Variants in ROBO2 observed in about 807,000 individuals in gnomAD.
ROBO2 encodes roundabout guidance receptor 2.
In ROBO2, 53 loss-of-function variants were observed where a neutral mutation model predicts 160.8. The ratio of observed to expected loss-of-function variants is 0.33; its 90% CI spans 0.26 to 0.41. The LOEUF (loss-of-function observed/expected upper bound fraction) is 0.41. Ranked by LOEUF, ROBO2 falls within the 10% of genes least tolerant of loss-of-function variation. The pLI is 1.00. For synonymous variants in ROBO2, 664 were observed against 611.7 expected (o/e 1.09, Z -1.26); for missense variants, 1,577 against 1,722.4 (o/e 0.92, Z 1.49).
At chr3:76,005,360 A>C (rs1455026563) in intron 2 of ROBO2, among the ~76,000 whole-genome samples, 1 of 152,202 alleles carries the variant, frequency 6.6e-6, no homozygotes, top group African/African-American at 2.4e-5. Context: ...GAAAGCATCA[A>C]ATATTCTACA....
At chr3:76,091,538 C>T (rs1037160779) in intron 2 of ROBO2, among the ~76,000 whole-genome samples, 8 of 152,052 alleles carry the variant, frequency 5.3e-5, no homozygotes, top group Non-Finnish European at 8.8e-5. Context: ...CAAAACTAAC[C>T]GGCTCTTATC....
chr3:76,798,267 A>AGAAAGAAG (rs2063896911), intron 2 of ROBO2, among the ~76,000 whole-genome samples: 1 of 141,366 alleles, frequency 7.1e-6, no homozygotes, highest in African/African-American at 2.8e-5. Flanking sequence ...AAGGAAAGAA[A>AGAAAGAAG]GAAAGAAAGA....
chr3:76,670,462 A>C (rs1352557348), intron 2 of ROBO2, among the ~76,000 whole-genome samples: 1 of 152,054 alleles, frequency 6.6e-6, no homozygotes, highest in Admixed American at 6.6e-5. Flanking sequence ...GCTGCCAGAA[A>C]TGTCACCTGT....
chr3:77,108,855 AT>A (rs2073202932), intron 2 of ROBO2, among the ~76,000 whole-genome samples: 1 of 152,180 alleles, frequency 6.6e-6, no homozygotes, highest in African/African-American at 2.4e-5. Context: ...CGAGGTAGAA[AT>A]TAGTAATGAC....
At chr3:76,376,199 G>T (rs1276798433) in intron 2 of ROBO2, among the ~76,000 whole-genome samples, 1 of 152,122 alleles carries the variant, frequency 6.6e-6, no homozygotes, top group South Asian at 2.1e-4. Flanking sequence ...ATTGTTCCAA[G>T]CTAGTAACAC....
chr3:76,851,186 A>G (rs2069307279), intron 2 of ROBO2, among the ~76,000 whole-genome samples: 2 of 152,226 alleles, frequency 1.3e-5, no homozygotes, highest in Admixed American at 1.3e-4. Context: ...TAGGTAGCCA[A>G]CTAGCCCCGT....
chr3:76,879,014 T>C (rs1156744798), intron 2 of ROBO2, among the ~76,000 whole-genome samples: 3 of 152,174 alleles, frequency 2.0e-5, no homozygotes, highest in Non-Finnish European at 4.4e-5. Flanking sequence ...GAGGGAATGA[T>C]TTAATAATAT....
chr3:76,930,173 G>C (rs2077245744), intron 2 of ROBO2, among the ~76,000 whole-genome samples: 1 of 152,142 alleles, frequency 6.6e-6, no homozygotes, highest in East Asian at 1.9e-4. Flanking sequence ...ACAGGCACGT[G>C]CCCCCACGCA....
chr3:76,225,411 TC>T (rs1177449639), intron 2 of ROBO2, among the ~76,000 whole-genome samples: 2 of 152,212 alleles, frequency 1.3e-5, no homozygotes, highest in African/African-American at 4.8e-5. Flanking sequence ...TATTTTTATT[TC>T]CTAATTTGAA....
intron 2 of ROBO2, among the ~76,000 whole-genome samples, chr3:77,265,773 C>T (rs145177150): frequency 2.1e-4 from 32 of 152,240 alleles, no homozygotes; most frequent in African/African-American, 7.5e-4. Flanking sequence ...AATCCAATCT[C>T]AGACATGAAG....
At chr3:76,582,988 A>G (rs1253074358) in intron 2 of ROBO2, among the ~76,000 whole-genome samples, 3 of 151,928 alleles carry the variant, frequency 2.0e-5, no homozygotes, top group Middle Eastern at 3.2e-3. Flanking sequence ...ACTACTATAA[A>G]ATGTTTCCTT....
At chr3:76,736,521 A>G (rs2093716241) in intron 2 of ROBO2, among the ~76,000 whole-genome samples, 1 of 152,202 alleles carries the variant, frequency 6.6e-6, no homozygotes, top group African/African-American at 2.4e-5. Context: ...ACAATCAGTT[A>G]CTTTTTTCAC....
intron 2 of ROBO2, among the ~76,000 whole-genome samples, chr3:76,727,919 C>A (rs1360841876): frequency 6.6e-6 from 1 of 151,912 alleles, no homozygotes; most frequent in Non-Finnish European, 1.5e-5. Flanking sequence ...TGCCCTAACA[C>A]AAAGAAATGA....
At chr3:77,085,601 T>C (rs1366356218) in intron 1 of ROBO2, among the ~76,000 whole-genome samples, 1 of 152,094 alleles carries the variant, frequency 6.6e-6, no homozygotes, top group Admixed American at 6.6e-5. Flanking sequence ...TGGATACCTT[T>C]ATAAGCCTCC....
At chr3:76,658,337 CT>C (rs753581123) in intron 2 of ROBO2, among the ~76,000 whole-genome samples, 16 of 150,212 alleles carry the variant, frequency 1.1e-4, no homozygotes, top group East Asian at 2.0e-4. Flanking sequence ...TGAAACTTGC[CT>C]TTTTTTTTAT....
intron 2 of ROBO2, among the ~76,000 whole-genome samples, chr3:76,741,377 T>G (rs2108040899): frequency 6.6e-6 from 1 of 152,234 alleles, no homozygotes; most frequent in East Asian, 1.9e-4. Flanking sequence ...TGCTCAGATT[T>G]TAAATATTTA....
At chr3:77,602,558 A>G in intron 20 of ROBO2, 67 bp downstream of exon 21, 1 of 1,574,546 alleles carries the variant, frequency 6.4e-7, no homozygotes, top group Non-Finnish European at 8.7e-7. Flanking sequence ...AGAAATTAGT[A>G]TTTGTTGTTT....
At chr3:76,954,240 A>G (rs1383062413) in intron 2 of ROBO2, among the ~76,000 whole-genome samples, 2 of 152,242 alleles carry the variant, frequency 1.3e-5, no homozygotes, top group South Asian at 2.1e-4. Context: ...AGAAAAGGAC[A>G]TATTTAGATG....
chr3:76,273,376 G>C (rs890079626), intron 2 of ROBO2, among the ~76,000 whole-genome samples: 18 of 151,842 alleles, frequency 1.2e-4, no homozygotes, highest in African/African-American at 4.1e-4. Flanking sequence ...TTCTTCATCT[G>C]TTTTGTGCTA....
Sources: allele counts gnomAD v4.1 joint callset (sites outside exome capture counted in the v4.1 genomes callset), GRCh38; gene constraint gnomAD v4.1.1; transcripts MANE v1.5; gene names NCBI Gene and HGNC (gene_info 2026-07-23, HGNC 2026-07-21).